Variants in STARD9 observed in about 807,000 individuals in gnomAD.
The protein encoded by STARD9 is StAR related lipid transfer domain containing 9.
STARD9 carries 346 observed loss-of-function variants against 399.8 expected under a neutral mutation model. The ratio of observed to expected loss-of-function variants is 0.87; its 90% confidence interval spans 0.79 to 0.95. The LOEUF (loss-of-function observed/expected upper bound fraction) is 0.95, where lower values mean the gene tolerates loss of function less well. STARD9 is among the 40% of genes least tolerant of loss of function. The pLI is 0.00. For synonymous variants in STARD9, 2,203 were observed against 2,143.5 expected (o/e 1.03, Z -0.77); for missense variants, 5,832 against 5,667.5 (o/e 1.03, Z -0.93).
intron 18 of STARD9, 198 bp from the exon 19 acceptor site, chr15:42,675,466 A>T (rs1372404183): frequency 1.8e-6 from 1 of 566,438 alleles, no homozygotes; most frequent in Non-Finnish European, 3.1e-6. Context: ...TTCCCTTGGA[A>T]TAGTAGAGTT....
intron 3 of STARD9, among the ~76,000 whole-genome samples, chr15:42,628,860 A>G (rs1374943020): frequency 6.6e-6 from 1 of 152,142 alleles, no homozygotes; most frequent in Non-Finnish European, 1.5e-5. Context: ...GTACGGTAAT[A>G]TGATTCCTTC....
At chr15:42,633,646 C>CTT (rs1245567571) in intron 3 of STARD9, among the ~76,000 whole-genome samples, 9 of 138,784 alleles carry the variant, frequency 6.5e-5, no homozygotes, top group African/African-American at 7.9e-5. Flanking sequence ...TTCTTTCTTT[C>CTT]TTTTTTTTTT....
At chr15:42,618,159 G>C (rs12910538) in intron 3 of STARD9, among the ~76,000 whole-genome samples, 15,322 of 151,948 alleles carry the variant, frequency 0.1, 1,034 homozygotes, top group Non-Finnish European at 0.15. Context: ...ATGATTTACA[G>C]GGCCTTGCTG....
At chr15:42,631,401 G>A (rs547575525) in intron 3 of STARD9, among the ~76,000 whole-genome samples, 3 of 152,096 alleles carry the variant, frequency 2.0e-5, no homozygotes, top group South Asian at 2.1e-4. Context: ...GGGAAACATG[G>A]TGAAACCCTG....
intron 26 of STARD9, among the ~76,000 whole-genome samples, chr15:42,704,053 A>G (rs145552657): frequency 0.016 from 2,457 of 152,120 alleles, 23 homozygotes; most frequent in Non-Finnish European, 0.025. Flanking sequence ...GATTACAGGC[A>G]CCTGACACAG....
rs1169810544 is a variant in STARD9 at position 42,685,815 on chromosome 15, C to T, written c.4237C>T (p.His1413Tyr). Residue 1413 changes from histidine (H) to tyrosine (Y), a missense_variant, in exon 23 of 33, where the codon CAC becomes TAC. Physicochemically the swap from His to Tyr is moderately conservative, Grantham distance 83. Transcript: ENST00000290607. Reference sequence around the variant, plus strand: ...GCTCCTCTGCAGTGCAAGAGATGAGCACACAGCCTCTGCTGCTGATACGTC... The same window carrying T: ...GCTCCTCTGCAGTGCAAGAGATGAGTACACAGCCTCTGCTGCTGATACGTC... The part of the protein sequence containing the change: ...TELLCSARDE[H>Y]TASAADTSRL... 3 of 1,537,084 alleles carry T rather than the reference C, an allele frequency of 2.0e-6. No homozygotes were observed. The Admixed American group carries it at 5.9e-5, about 30-fold the overall frequency.
At chr15:42,594,174 C>T (rs1270158671) in intron 3 of STARD9, among the ~76,000 whole-genome samples, 1 of 152,118 alleles carries the variant, frequency 6.6e-6, no homozygotes, top group Non-Finnish European at 1.5e-5. Flanking sequence ...GTGAGGATGT[C>T]AGGAACCTGG....
At chr15:42,604,973 C>T (rs1384744635) in intron 3 of STARD9, among the ~76,000 whole-genome samples, 1 of 152,072 alleles carries the variant, frequency 6.6e-6, no homozygotes, top group Non-Finnish European at 1.5e-5. Context: ...TCCATATATT[C>T]TGTTCCAAAG....
chr15:42,589,830 C>T (rs1343812806), intron 3 of STARD9, among the ~76,000 whole-genome samples: 4 of 151,784 alleles, frequency 2.6e-5, no homozygotes, highest in Non-Finnish European at 5.9e-5. Context: ...TGGTCTCAAA[C>T]TCCTGACCTT....
chr15:42,588,772 C>T (rs902475381), intron 3 of STARD9, among the ~76,000 whole-genome samples: 1 of 99,248 alleles, frequency 1.0e-5, no homozygotes, highest in African/African-American at 4.1e-5. Flanking sequence ...ATCCTCTTCA[C>T]AGCGTTTTTT....
chr15:42,605,316 G>A (rs1037101656), intron 3 of STARD9, among the ~76,000 whole-genome samples: 2 of 152,182 alleles, frequency 1.3e-5, no homozygotes, highest in Non-Finnish European at 2.9e-5. Context: ...TATTTTTCAA[G>A]TATGAGGCAA....
chr15:42,681,321 T>C (rs763429807), intron 20 of STARD9, 101 bp from the exon 21 acceptor site: 15 of 1,228,506 alleles, frequency 1.2e-5, no homozygotes, highest in Non-Finnish European at 1.7e-5. Flanking sequence ...CTCTACCCTG[T>C]TGATTGCAGG....
Position 42,675,952 on chromosome 15 carries a change from C to T in STARD9, c.1851C>T (p.Leu617=), listed in dbSNP as rs182766680. The stretch of plus-strand genomic sequence containing the variant: ...ATCTCGCTGCCTCCCGGCTGGGTCT[C>T]TCCCCTTTGCTTTGGAAGGAAAGGT... The part of the protein sequence containing the change: ...DGDLAASRLG[L]SPLLWKERRA... Residue 617 remains leucine (L), a synonymous_variant, in exon 20 of 33, where the codon CTC becomes CTT. Transcript: ENST00000290607. The T allele has an allele frequency of 9.1e-6, 14 of 1,536,038 alleles. No individual in the cohort carries two copies. The highest frequency in any genetic ancestry group is 5.5e-5 in the African/African-American group (4 of 72,832).
intron 26 of STARD9, among the ~76,000 whole-genome samples, chr15:42,716,315 A>G (rs539408108): frequency 2.6e-5 from 4 of 152,196 alleles, no homozygotes; most frequent in African/African-American, 9.6e-5. Context: ...CCCTCTAGCC[A>G]TGGCCTCATT....
chr15:42,614,127 A>G (rs1401997492), intron 3 of STARD9, among the ~76,000 whole-genome samples: 3 of 152,008 alleles, frequency 2.0e-5, no homozygotes, highest in Non-Finnish European at 2.9e-5. Context: ...CCTGACCAAC[A>G]TGGTGAAACC....
intron 3 of STARD9, among the ~76,000 whole-genome samples, chr15:42,604,045 G>T (rs1203143988): frequency 6.6e-6 from 1 of 152,130 alleles, no homozygotes; most frequent in Non-Finnish European, 1.5e-5. Flanking sequence ...TTTGGGGAAG[G>T]GGCTGTTACC....
chr15:42,672,264 G>A (rs540530574), intron 16 of STARD9: 1 of 152,356 alleles, frequency 6.6e-6, no homozygotes, highest in African/African-American at 2.4e-5. Flanking sequence ...TGGGTGGGAA[G>A]AGGACAGAGG....
chr15:42,613,194 ATTTG>A (rs1462476396), intron 3 of STARD9, among the ~76,000 whole-genome samples: 2 of 151,882 alleles, frequency 1.3e-5, no homozygotes, highest in Middle Eastern at 3.2e-3. Flanking sequence ...AACTCCTCCT[ATTTG>A]TTATTTTCTT....
At chr15:42,694,377 G>A (rs753022106) in intron 23 of STARD9, 35 bp downstream of exon 23, 1 of 1,536,058 alleles carries the variant, frequency 6.5e-7, no homozygotes, top group East Asian at 2.4e-5. Context: ...GGAGGGGAAG[G>A]GGTGGGCTGT....
Sources: allele counts gnomAD v4.1 joint callset (sites outside exome capture counted in the v4.1 genomes callset), GRCh38; gene constraint gnomAD v4.1.1; transcripts MANE v1.5; gene names NCBI Gene and HGNC (gene_info 2026-07-23, HGNC 2026-07-21).